GRID1: variants seen among roughly 807,000 people sequenced by gnomAD.
The protein encoded by GRID1 is glutamate receptor ionotropic, delta-1.
A neutral mutation model predicts 98.0 loss-of-function variants in GRID1; 28 were observed. The observed-to-expected ratio is 0.29, with a 90% CI of 0.21 to 0.39. The LOEUF is 0.39. Ranked by LOEUF, GRID1 falls within the 10% of genes least tolerant of loss-of-function variation. The pLI, the probability that GRID1 is intolerant of heterozygous loss-of-function variation, is 1.00. For missense variants in GRID1, 1,111 were observed against 1,340.5 expected (o/e 0.83, Z 2.67); for synonymous variants, 553 against 538.5 (o/e 1.03, Z -0.37).
intron 8 of GRID1, among the ~76,000 whole-genome samples, chr10:85,757,140 T>A (rs139478078): frequency 6.6e-6 from 1 of 152,308 alleles, no homozygotes; most frequent in Non-Finnish European, 1.5e-5. Flanking sequence ...GTTCACCCAC[T>A]CAGCAGATGC....
intron 5 of GRID1, among the ~76,000 whole-genome samples, chr10:85,874,553 C>A (rs1426259107): frequency 6.6e-6 from 1 of 152,186 alleles, no homozygotes; most frequent in African/African-American, 2.4e-5. Context: ...GGTTCTCTTG[C>A]ATGTTAATTT....
chr10:85,767,711 C>T (rs187400300), intron 8 of GRID1, among the ~76,000 whole-genome samples: 1 of 152,306 alleles, frequency 6.6e-6, no homozygotes, highest in East Asian at 1.9e-4. Flanking sequence ...TGACAGCTGG[C>T]AATTTCCTCT....
intron 6 of GRID1, among the ~76,000 whole-genome samples, chr10:85,866,492 A>T (rs142817303): frequency 6.6e-6 from 1 of 152,010 alleles, no homozygotes; most frequent in African/African-American, 2.4e-5. Context: ...TTCCAATTCC[A>T]GTTGAGCATC....
rs1468277430 is a variant in GRID1, at chr10:85,599,637, G to A, written c.*2636C>T. The A allele has an allele frequency of 6.6e-6, 1 of 151,082 alleles. No individual in the cohort carries two copies. Among genetic ancestry groups the A allele is most frequent in the Non-Finnish European group, 1.5e-5 (1 of 67,822 alleles). 9.4% of individuals were successfully genotyped at this position (151,082 alleles called of 1,614,324 possible). A position where few individuals can be genotyped will look rare whatever the true frequency, so the allele number is the denominator to read the frequency against. On this transcript the variant is annotated 3_prime_UTR_variant, in exon 16 of 16. Transcript: ENST00000327946. Reference sequence around the variant, plus strand: ...AAATATACCTAAAATGTATGGAATAGTCTAAACAGAGTTATAAATCCAAAG... The same window carrying A: ...AAATATACCTAAAATGTATGGAATAATCTAAACAGAGTTATAAATCCAAAG...
intron 4 of GRID1, among the ~76,000 whole-genome samples, chr10:86,096,956 T>C (rs553133173): frequency 6.6e-6 from 1 of 152,354 alleles, no homozygotes; most frequent in African/African-American, 2.4e-5. Flanking sequence ...AAATTTTTGC[T>C]TCCTGTTACT....
At chr10:85,675,612 G>A (rs932781297) in intron 12 of GRID1, among the ~76,000 whole-genome samples, 13 of 152,166 alleles carry the variant, frequency 8.5e-5, no homozygotes, top group African/African-American at 2.9e-4. Context: ...AAATGAGCTC[G>A]TACCTTTCTT....
At chr10:85,965,785 T>TAA (rs78965421) in intron 4 of GRID1, among the ~76,000 whole-genome samples, 2 of 144,080 alleles carry the variant, frequency 1.4e-5, no homozygotes, top group African/African-American at 5.2e-5. Context: ...TAAAATATAA[T>TAA]AAAAAAAAAA....
At chr10:85,815,979 G>T (rs1338205226) in intron 8 of GRID1, among the ~76,000 whole-genome samples, 3 of 151,698 alleles carry the variant, frequency 2.0e-5, no homozygotes, top group Admixed American at 2.0e-4. Context: ...TTATTAGAAT[G>T]GCTAAATTTA....
At chr10:85,816,474 CTA>C (rs1305859819) in intron 8 of GRID1, among the ~76,000 whole-genome samples, 2 of 152,072 alleles carry the variant, frequency 1.3e-5, no homozygotes, top group Non-Finnish European at 2.9e-5. Context: ...TAAAGTCAAC[CTA>C]TAGAGACAAA....
At chr10:86,259,725 G>A (rs573110097) in intron 2 of GRID1, among the ~76,000 whole-genome samples, 17 of 152,208 alleles carry the variant, frequency 1.1e-4, no homozygotes, top group Non-Finnish European at 2.5e-4. Flanking sequence ...GGGCAGGGAA[G>A]GAAAGACAGC....
At chr10:85,894,332 A>T (rs974312543) in intron 5 of GRID1, among the ~76,000 whole-genome samples, 4 of 152,208 alleles carry the variant, frequency 2.6e-5, no homozygotes, top group Non-Finnish European at 5.9e-5. Context: ...CAATATACAC[A>T]ACAACATGCG....
At chr10:86,093,145 C>T (rs1222444980) in intron 4 of GRID1, among the ~76,000 whole-genome samples, 2 of 152,074 alleles carry the variant, frequency 1.3e-5, no homozygotes, top group African/African-American at 4.8e-5. Flanking sequence ...GGTTTGAAAA[C>T]AAAATCAACA....
chr10:86,118,320 T>C (rs1456065730), intron 4 of GRID1, among the ~76,000 whole-genome samples: 6 of 152,042 alleles, frequency 3.9e-5, no homozygotes, highest in African/African-American at 1.2e-4. Flanking sequence ...TATTGGACTT[T>C]GGAGACTCGG....
chr10:85,734,934 A>G (rs1426444642), intron 8 of GRID1, among the ~76,000 whole-genome samples: 1 of 152,200 alleles, frequency 6.6e-6, no homozygotes, highest in South Asian at 2.1e-4. Context: ...TAGGAGAGAC[A>G]TGCATCCCTC....
chr10:86,225,430 G>A lies in GRID1; in HGVS notation c.236-18782C>T, dbSNP rs953640908. ...AATTACGAATATTTATAGCGTTTAA[G>A]CATAATCGTATTCAGATGAGGACTA... On this transcript the variant is annotated intron_variant, in intron 2 of 15. Transcript: ENST00000327946. 1.2e-4 allele frequency among the ~76,000 whole-genome samples: 19 copies of A among 152,228 alleles called. 1 individual carries two copies.
At chr10:86,186,314 CCAGT>C (rs1422467763) in intron 3 of GRID1, among the ~76,000 whole-genome samples, 6 of 152,254 alleles carry the variant, frequency 3.9e-5, no homozygotes, top group Admixed American at 6.5e-5. Context: ...TTGTGTTTTC[CCAGT>C]CAGTCTGTTC....
chr10:86,209,749 C>T (rs916229181), intron 2 of GRID1, among the ~76,000 whole-genome samples: 34 of 152,160 alleles, frequency 2.2e-4, no homozygotes, highest in Admixed American at 3.9e-4. Context: ...GTGGAATTGT[C>T]CCATCCCAGG....
chr10:85,956,741 G>C (rs1043546729), intron 4 of GRID1, among the ~76,000 whole-genome samples: 1 of 152,176 alleles, frequency 6.6e-6, no homozygotes, highest in East Asian at 1.9e-4. Flanking sequence ...AACAGAGTAG[G>C]CATGGGAAGC....
intron 8 of GRID1, among the ~76,000 whole-genome samples, chr10:85,786,981 C>T (rs1590231874): frequency 6.6e-6 from 1 of 152,224 alleles, no homozygotes. Flanking sequence ...GGGGCAGAGC[C>T]ATGGCTGGGG....
Sources: gnomAD v4.1 joint callset for allele counts (sites outside exome capture counted in the v4.1 genomes callset) on GRCh38, gnomAD v4.1.1 for gene constraint, MANE v1.5 for transcripts, NCBI Gene and HGNC (gene_info 2026-07-23, HGNC 2026-07-21) for gene names.